Variants in ZFP91 observed in about 807,000 individuals in gnomAD.
ZFP91 encodes the protein ZFP91 zinc finger protein, atypical E3 ubiquitin ligase.
ZFP91 carries 7 observed loss-of-function variants against 63.5 expected under a neutral mutation model. That is an observed-to-expected ratio of 0.11 (90% CI 0.06 to 0.21). The LOEUF (loss-of-function observed/expected upper bound fraction) is 0.21. Among genes scored for constraint, ZFP91 ranks in the 10% least tolerant of loss-of-function variants. The pLI, the probability that ZFP91 is intolerant of heterozygous loss-of-function variation, is 1.00. For synonymous variants in ZFP91, 330 were observed against 272.1 expected, an observed-to-expected ratio of 1.21 and a Z score of -2.10; for missense variants, 628 against 736.6, an observed-to-expected ratio of 0.85 and a Z score of 1.71.
chr11:58,591,670 T>G (rs1855308854), intron 2 of ZFP91, among the ~76,000 whole-genome samples: 2 of 152,196 alleles, frequency 1.3e-5, no homozygotes, highest in Admixed American at 6.5e-5. Context: ...TTCTGGACAT[T>G]TTGTGTAAAT....
intron 2 of ZFP91, among the ~76,000 whole-genome samples, chr11:58,598,057 A>T (rs182345754): frequency 2.4e-4 from 37 of 152,296 alleles, no homozygotes; most frequent in Non-Finnish European, 4.1e-4. Context: ...TTAAGCAGAT[A>T]CTTGAAACAG....
At chr11:58,584,280 T>C (rs1855167855) in intron 1 of ZFP91, among the ~76,000 whole-genome samples, 1 of 152,102 alleles carries the variant, frequency 6.6e-6, no homozygotes, top group Non-Finnish European at 1.5e-5. Flanking sequence ...TAACACTTCA[T>C]TGAGTTTTTA....
intron 2 of ZFP91, among the ~76,000 whole-genome samples, chr11:58,595,503 G>A (rs1030821719): frequency 1.1e-4 from 16 of 151,424 alleles, no homozygotes; most frequent in Admixed American, 5.3e-4. Context: ...GTAGGATTGA[G>A]ATAAATCATA....
rs1855026340 is a variant in ZFP91 at position 58,579,101 on chromosome 11, T to G, written c.-181T>G. 9.1e-5 allele frequency: 29 copies of G among 320,030 alleles called. No individual in the cohort carries two copies. The highest frequency in any genetic ancestry group is 1.4e-4 in the South Asian group (2 of 14,756). 19.8% of individuals were successfully genotyped at this position (320,030 alleles called of 1,614,324 possible). ...GCGCGCCGCCAGCGGTAGCGGACCT[T>G]GAGTGGCAGGGGGTGGGGGGGGCGC... On this transcript the variant is annotated 5_prime_UTR_variant, in exon 1 of 11. Transcript: ENST00000316059.
chr11:58,581,392 C>T (rs911008784), intron 1 of ZFP91, among the ~76,000 whole-genome samples: 1 of 151,990 alleles, frequency 6.6e-6, no homozygotes, highest in Non-Finnish European at 1.5e-5. Flanking sequence ...GGAGTTTTTG[C>T]TCTGTTGCCC....
chr11:58,579,892 T>A (rs985937953), intron 1 of ZFP91, among the ~76,000 whole-genome samples: 4 of 151,974 alleles, frequency 2.6e-5, no homozygotes, highest in Non-Finnish European at 4.4e-5. Flanking sequence ...GTGATCCACC[T>A]CCTCCCTGAC....
intron 2 of ZFP91, among the ~76,000 whole-genome samples, chr11:58,603,765 G>T (rs35349556): frequency 6.6e-6 from 1 of 152,102 alleles, no homozygotes; most frequent in Non-Finnish European, 1.5e-5. Context: ...AATGCTTTTC[G>T]CTAGGTTTTG....
chr11:58,606,557 A>G (rs1435505409), intron 2 of ZFP91, among the ~76,000 whole-genome samples: 1 of 152,128 alleles, frequency 6.6e-6, no homozygotes, highest in Non-Finnish European at 1.5e-5. Flanking sequence ...TTACTGGGGC[A>G]TATTGTATGA....
intron 9 of ZFP91, among the ~76,000 whole-genome samples, chr11:58,615,034 A>G (rs1025610039): frequency 2.0e-5 from 3 of 152,188 alleles, no homozygotes; most frequent in African/African-American, 7.2e-5. Context: ...TTGTAGAAAT[A>G]TGTCTCCTGC....
At chr11:58,592,273 G>A (rs1017939857) in intron 2 of ZFP91, among the ~76,000 whole-genome samples, 1 of 151,662 alleles carries the variant, frequency 6.6e-6, no homozygotes, top group Non-Finnish European at 1.5e-5. Context: ...TTTTAGTAGA[G>A]ATGGAGTTTC....
At chr11:58,592,653 TG>T (rs1199417780) in intron 2 of ZFP91, among the ~76,000 whole-genome samples, 1 of 151,992 alleles carries the variant, frequency 6.6e-6, no homozygotes, top group East Asian at 1.9e-4. Flanking sequence ...TACCGAACGC[TG>T]GGGGGTTAGG....
In ZFP91 at chr11:58,620,679, TATA is replaced by T. The variant is rs1181644142; in HGVS notation, c.*2976_*2978del. On this transcript the variant is annotated 3_prime_UTR_variant, in exon 11 of 11. Coordinates refer to ENST00000316059, the MANE Select transcript of ZFP91 (RefSeq NM_053023.5). Reference sequence around the variant, plus strand: ...CCTTTGTACCTGTTTGGGGAAAAAGTATAATGAGTGTACTACCAATCTAACTAA... The same window carrying T: ...CCTTTGTACCTGTTTGGGGAAAAAGTATGAGTGTACTACCAATCTAACTAA... The T allele has an allele frequency of 6.6e-6, 1 of 152,638 alleles. No individual in the cohort carries two copies. The highest frequency in any genetic ancestry group is 1.5e-5 in the Non-Finnish European group (1 of 68,036). The allele number at this position is 152,638 out of a possible 1,614,324, so 9.5% of individuals were successfully genotyped here. A position where few individuals can be genotyped will look rare whatever the true frequency, so the allele number is the denominator to read the frequency against.
At chr11:58,608,266 A>G (rs889697835) in intron 2 of ZFP91, among the ~76,000 whole-genome samples, 1 of 151,806 alleles carries the variant, frequency 6.6e-6, no homozygotes, top group Non-Finnish European at 1.5e-5. Context: ...CCCTCTTTGA[A>G]TGTTGTTTTC....
intron 2 of ZFP91, among the ~76,000 whole-genome samples, chr11:58,596,048 G>A (rs1401145907): frequency 6.6e-6 from 1 of 152,150 alleles, no homozygotes; most frequent in African/African-American, 2.4e-5. Flanking sequence ...ATAGCCTGCT[G>A]TTGACCAGAA....
rs1855819273 is a variant in ZFP91, at chr11:58,619,940, G to A, written c.*2234G>A. ...AGCTTTTTTGTCACACTTATCCTTT[G>A]TCTCCGTAAATTTCATTTGCAGTGG... is the stretch of plus-strand genomic sequence containing the variant. On this transcript the variant is annotated 3_prime_UTR_variant, in exon 11 of 11. Coordinates refer to ENST00000316059, the MANE Select transcript of ZFP91 (RefSeq NM_053023.5). The A allele has an allele frequency of 6.6e-6, 1 of 152,004 alleles. No homozygotes were observed. The highest frequency in any genetic ancestry group is 2.4e-5 in the African/African-American group (1 of 41,378). 9.4% of individuals were successfully genotyped at this position (152,004 alleles called of 1,614,324 possible).
chr11:58,581,443 C>G (rs1194283789), intron 1 of ZFP91, among the ~76,000 whole-genome samples: 1 of 152,176 alleles, frequency 6.6e-6, no homozygotes, highest in Non-Finnish European at 1.5e-5. Flanking sequence ...ACACTGCAAC[C>G]TCCGCCTCCT....
rs1482083123 is a variant in ZFP91 at position 58,620,818 on chromosome 11, A to G, written c.*3112A>G. On this transcript the variant is annotated 3_prime_UTR_variant, in exon 11 of 11. Transcript: ENST00000316059. ...CAAATGTAATGGATCAATTTAAAAT[A>G]TTTTATTTCTTAAAAGCCTTTTTTG... The G allele has an allele frequency of 6.6e-6, 1 of 152,610 alleles. No homozygotes were observed. The highest frequency in any genetic ancestry group is 1.5e-5 in the Non-Finnish European group (1 of 68,022). The allele number at this position is 152,610 out of a possible 1,614,324, so 9.5% of individuals were successfully genotyped here.
At position 58,609,835 on chromosome 11, in the gene ZFP91, A is replaced by G. The variant is rs564982387; in HGVS notation, c.376A>G (p.Lys126Glu). The part of the protein sequence containing the change: ...IEKVTTDKDP[K>E]EEKEEEDDSA... ...TGGTATGTCTTTTTATTTAGATCCC[A>G]AGGAAGAAAAAGAGGAAGAAGACGA... Residue 126 changes from lysine to glutamate, a missense_variant, in exon 3 of 11, where the codon AAG (lysine) becomes GAG (glutamate). By Grantham distance (56) the Lys-to-Glu change is moderately conservative (BLOSUM62 1). Coordinates refer to ENST00000316059, the MANE Select transcript of ZFP91 (RefSeq NM_053023.5). 79 of 1,613,920 alleles carry G rather than the reference A, an allele frequency of 4.9e-5. No homozygotes were observed. Among genetic ancestry groups the G allele is most frequent in the Non-Finnish European group, 6.2e-5 (73 of 1,179,888 alleles).
intron 2 of ZFP91, among the ~76,000 whole-genome samples, chr11:58,600,848 T>C (rs934569601): frequency 6.6e-6 from 1 of 152,148 alleles, no homozygotes; most frequent in Non-Finnish European, 1.5e-5. Flanking sequence ...GTTTTTTGTG[T>C]GTTCTTATCA....
Sources: allele counts gnomAD v4.1 joint callset (sites outside exome capture counted in the v4.1 genomes callset), GRCh38; gene constraint gnomAD v4.1.1; transcripts MANE v1.5; gene names NCBI Gene and HGNC (gene_info 2026-07-23, HGNC 2026-07-21).